Variants in STEAP1B observed in about 807,000 individuals in gnomAD.
The protein encoded by STEAP1B is STEAP family protein MGC87042.
In STEAP1B, 13 loss-of-function variants were observed where a neutral mutation model predicts 27.9. That is an observed-to-expected ratio of 0.47 (90% CI 0.30 to 0.74). STEAP1B has a LOEUF of 0.74. Ranked by LOEUF, STEAP1B falls within the 30% of genes least tolerant of loss-of-function variation. The probability of loss-of-function intolerance (pLI) is 0.06; values close to 1 mark genes in which losing one functional copy is unlikely to be tolerated. For synonymous variants in STEAP1B, 86 were observed against 107.1 expected (o/e 0.80, Z 1.22); for missense variants, 250 against 298.7 (o/e 0.84, Z 1.20).
At chr7:22,448,460 T>A (rs967023531) in intron 4 of STEAP1B, among the ~76,000 whole-genome samples, 3 of 152,212 alleles carry the variant, frequency 2.0e-5, no homozygotes, top group African/African-American at 7.2e-5. Flanking sequence ...TTAAGGGACC[T>A]CACGCTTAAA....
intron 4 of STEAP1B, among the ~76,000 whole-genome samples, chr7:22,454,316 A>C (rs1356130047): frequency 6.6e-5 from 10 of 152,162 alleles, no homozygotes; most frequent in Admixed American, 6.5e-4. Context: ...AATTACTGCA[A>C]AGATCTTATT....
intron 4 of STEAP1B, among the ~76,000 whole-genome samples, chr7:22,424,373 C>T (rs1358269322): frequency 1.3e-5 from 2 of 152,082 alleles, no homozygotes; most frequent in African/African-American, 2.4e-5. Context: ...TAGCTCACCA[C>T]CCCTTTGAAA....
intron 4 of STEAP1B, among the ~76,000 whole-genome samples, chr7:22,489,948 A>G (rs1341187257): frequency 6.6e-6 from 1 of 152,168 alleles, no homozygotes; most frequent in Non-Finnish European, 1.5e-5. Context: ...AAAGTGCTGA[A>G]TTATTTTAGT....
At chr7:22,433,015 G>A (rs963877500) in intron 4 of STEAP1B, among the ~76,000 whole-genome samples, 2 of 152,068 alleles carry the variant, frequency 1.3e-5, no homozygotes, top group Admixed American at 6.6e-5. Flanking sequence ...CAGCAAATGC[G>A]GCCTGACTGC....
At chr7:22,482,910 T>G (rs1786108976) in intron 4 of STEAP1B, among the ~76,000 whole-genome samples, 2 of 152,164 alleles carry the variant, frequency 1.3e-5, no homozygotes, top group South Asian at 4.1e-4. Context: ...CTGGATCTTG[T>G]CTCAGGTCCC....
chr7:22,492,302 G>C (rs1341083544), intron 4 of STEAP1B: 1 of 147,912 alleles, frequency 6.8e-6, no homozygotes, highest in African/African-American at 4.0e-5. Context: ...ATGGGCAACA[G>C]AGCGAGACTT....
chr7:22,434,579 T>G (rs1440519655), intron 4 of STEAP1B, among the ~76,000 whole-genome samples: 2 of 151,668 alleles, frequency 1.3e-5, no homozygotes, highest in African/African-American at 4.9e-5. Context: ...TAGCTATAGT[T>G]TGCAATAAAG....
chr7:22,431,660 T>C (rs1785189605), intron 4 of STEAP1B, among the ~76,000 whole-genome samples: 2 of 152,224 alleles, frequency 1.3e-5, no homozygotes, highest in South Asian at 2.1e-4. Context: ...TCACTCCAGC[T>C]TTTTGATTTC....
intron 4 of STEAP1B, among the ~76,000 whole-genome samples, chr7:22,430,304 G>A (rs892502557): frequency 2.6e-4 from 39 of 152,106 alleles, no homozygotes; most frequent in African/African-American, 8.7e-4. Flanking sequence ...AATTAATTAG[G>A]GCACATAAAC....
At chr7:22,476,665 T>C (rs1208077022) in intron 4 of STEAP1B, among the ~76,000 whole-genome samples, 2 of 152,146 alleles carry the variant, frequency 1.3e-5, no homozygotes, top group African/African-American at 4.8e-5. Context: ...CACATTCAGG[T>C]GCATCTGCCA....
chr7:22,424,497 A>G (rs1381656741), intron 4 of STEAP1B, among the ~76,000 whole-genome samples: 1 of 152,208 alleles, frequency 6.6e-6, no homozygotes, highest in Non-Finnish European at 1.5e-5. Context: ...TAAGAACATT[A>G]TTTCATACTC....
At chr7:22,461,622 G>C (rs893811889) in intron 4 of STEAP1B, among the ~76,000 whole-genome samples, 1 of 152,172 alleles carries the variant, frequency 6.6e-6, no homozygotes, top group Non-Finnish European at 1.5e-5. Context: ...CCCCAAAGCA[G>C]TTACAGGTCA....
intron 1 of STEAP1B, 123 bp downstream of exon 1, chr7:22,499,991 T>A (rs1469040763): frequency 1.3e-5 from 2 of 152,262 alleles, no homozygotes; most frequent in Non-Finnish European, 2.9e-5. Context: ...GCCGTCCAGG[T>A]CACGAGAAGG....
chr7:22,431,511 A>C (rs1044264267), intron 4 of STEAP1B, among the ~76,000 whole-genome samples: 2 of 152,260 alleles, frequency 1.3e-5, no homozygotes, highest in Non-Finnish European at 2.9e-5. Flanking sequence ...TCAGCTAATC[A>C]GAACCTAGGA....
chr7:22,450,123 C>CT (rs1387856445), intron 4 of STEAP1B, among the ~76,000 whole-genome samples: 1 of 152,084 alleles, frequency 6.6e-6, no homozygotes, highest in African/African-American at 2.4e-5. Flanking sequence ...AGTACAGAAG[C>CT]TTTTTAACTT....
chr7:22,433,032 G>A (rs1029393289), intron 4 of STEAP1B, among the ~76,000 whole-genome samples: 5 of 152,032 alleles, frequency 3.3e-5, no homozygotes, highest in Non-Finnish European at 2.9e-5. Context: ...CTGCTCATAG[G>A]ACATTTCAGT....
At chr7:22,487,513 G>A (rs975781041) in intron 4 of STEAP1B, among the ~76,000 whole-genome samples, 10 of 151,324 alleles carry the variant, frequency 6.6e-5, no homozygotes, top group African/African-American at 9.7e-5. Context: ...AACACATGCC[G>A]GGCGCGTTGG....
intron 4 of STEAP1B, among the ~76,000 whole-genome samples, chr7:22,436,613 T>C (rs1299284838): frequency 6.6e-6 from 1 of 152,104 alleles, no homozygotes; most frequent in East Asian, 1.9e-4. Context: ...TTCTCATCAT[T>C]TAGCTCCCAC....
At chr7:22,457,291 T>C (rs1025090532) in intron 4 of STEAP1B, among the ~76,000 whole-genome samples, 1 of 151,708 alleles carries the variant, frequency 6.6e-6, no homozygotes, top group Non-Finnish European at 1.5e-5. Flanking sequence ...AAAAATAAAT[T>C]AGGAATTAGG....
Sources: allele counts gnomAD v4.1 joint callset (sites outside exome capture counted in the v4.1 genomes callset), GRCh38; gene constraint gnomAD v4.1.1; transcripts MANE v1.5; gene names NCBI Gene and HGNC (gene_info 2026-07-23, HGNC 2026-07-21).